Variants in NRG4 observed in about 807,000 individuals in gnomAD.
NRG4 encodes neuregulin 4.
A neutral mutation model predicts 15.0 loss-of-function variants in NRG4; 10 were observed. The observed-to-expected ratio is 0.67, with a 90% confidence interval of 0.41 to 1.13. The LOEUF (loss-of-function observed/expected upper bound fraction) is 1.13, where lower values mean the gene tolerates loss of function less well. Among genes scored for constraint, NRG4 ranks in the 50% most tolerant of loss-of-function variants. The pLI is 0.00. For missense variants in NRG4, 139 were observed against 140.2 expected (o/e 0.99, Z 0.04); for synonymous variants, 41 against 50.1 (o/e 0.82, Z 0.77).
At chr15:75,987,979 G>C (rs1342143891) in intron 3 of NRG4, among the ~76,000 whole-genome samples, 1 of 152,094 alleles carries the variant, frequency 6.6e-6, no homozygotes, top group Non-Finnish European at 1.5e-5. Flanking sequence ...ATACAGACAG[G>C]TGTTCTAATG....
intron 5 of NRG4, among the ~76,000 whole-genome samples, chr15:76,023,183 C>CACACACACACACACACACA (rs67858639): frequency 8.9e-6 from 1 of 112,460 alleles, no homozygotes; most frequent in Non-Finnish European, 2.0e-5. Flanking sequence ...CACACACACA[C>CACACACACACACACACACA]AAGCAAGGAC....
chr15:76,006,400 A>T lies in NRG4; in HGVS notation c.104+2800T>A, dbSNP rs140513697. ...GGTGTGCTCCTAAGATAATTGGAAA[A>T]CAATTATTTTTATAAAATATGATTT... On this transcript the variant is annotated intron_variant, in intron 3 of 5. Transcript: ENST00000394907. Among the ~76,000 whole-genome samples, 1,331 of 152,306 alleles carry T rather than the reference A, an allele frequency of 8.7e-3. 20 individuals carry two copies. Among genetic ancestry groups the T allele is most frequent in the African/African-American group, 0.03 (1,250 of 41,546 alleles).
intron 3 of NRG4, among the ~76,000 whole-genome samples, chr15:75,990,260 T>C (rs2033957970): frequency 6.6e-6 from 1 of 152,156 alleles, no homozygotes. Flanking sequence ...CTTCCTCTTC[T>C]CTGGTAGTGC....
At chr15:75,944,405 A>C (rs1444501999) in intron 5 of NRG4, among the ~76,000 whole-genome samples, 1 of 152,182 alleles carries the variant, frequency 6.6e-6, no homozygotes, top group East Asian at 1.9e-4. Context: ...TTATTGCAGT[A>C]GGGATGGTGT....
chr15:76,030,021 G>A (rs2035431563), intron 5 of NRG4, among the ~76,000 whole-genome samples: 1 of 152,122 alleles, frequency 6.6e-6, no homozygotes, highest in African/African-American at 2.4e-5. Context: ...CACTTTGGGA[G>A]GCCAAGGCGG....
chr15:75,940,235 C>T (rs2030803102), downstream of NRG4: 1 of 151,964 alleles, frequency 6.6e-6, no homozygotes, highest in Non-Finnish European at 1.5e-5. Context: ...AGAACAGTCC[C>T]ATTTACCATA....
At position 76,048,210 on chromosome 15, in the gene NRG4, G is replaced by A. The variant is rs545311892; in HGVS notation, c.-105+3857C>T. ...TTGGAGGCTGGGCACGGTAGCTCAT[G>A]CCTATAATCCCAGCACTTTGGGAGG... On this transcript the variant is annotated intron_variant, in intron 4 of 8. Transcript: ENST00000563910. Among the ~76,000 whole-genome samples, 5 of 149,842 alleles carry A rather than the reference G, an allele frequency of 3.3e-5. No individual in the cohort carries two copies. In the South Asian group the frequency reaches 1.1e-3, roughly 32 times the overall value.
At chr15:76,039,278 C>T (rs60180571) in intron 4 of NRG4, among the ~76,000 whole-genome samples, 2,456 of 152,144 alleles carry the variant, frequency 0.016, 66 homozygotes, top group African/African-American at 0.056. Context: ...AAATAAGGTG[C>T]GAGGCCAATC....
chr15:75,988,409 A>G (rs1240093321), intron 3 of NRG4, among the ~76,000 whole-genome samples: 5 of 151,912 alleles, frequency 3.3e-5, no homozygotes, highest in Non-Finnish European at 7.4e-5. Flanking sequence ...CTGGTCTCGA[A>G]CTCCTGACCT....
intron 3 of NRG4, among the ~76,000 whole-genome samples, chr15:75,993,607 G>A (rs1467426426): frequency 6.6e-6 from 1 of 151,626 alleles, no homozygotes; most frequent in East Asian, 1.9e-4. Flanking sequence ...GCTGAGGCAG[G>A]AGAATCACTG....
At chr15:76,007,891 G>A (rs2034665553) in intron 3 of NRG4, among the ~76,000 whole-genome samples, 1 of 152,030 alleles carries the variant, frequency 6.6e-6, no homozygotes, top group Non-Finnish European at 1.5e-5. Flanking sequence ...ATGACCTTTG[G>A]CATGTCACTT....
Position 76,011,140 on chromosome 15 carries a change from T to C in NRG4, c.10+81A>G, listed in dbSNP as rs1031165325. ...ATGTTGGAAGGGAATAATACAGCCT[T>C]GTGTTAATATACATTTTTGATTGTT... is the stretch of plus-strand genomic sequence containing the variant. On this transcript the variant is annotated intron_variant, in intron 2 of 5. Transcript: ENST00000394907. 6 of 1,126,992 alleles carry C rather than the reference T, an allele frequency of 5.3e-6. No homozygotes were observed. The Admixed American group carries it at 9.0e-5, about 17-fold the overall frequency. 69.8% of individuals were successfully genotyped at this position (1,126,992 alleles called of 1,614,324 possible).
chr15:76,028,595 T>TAA (rs57381862), intron 5 of NRG4, among the ~76,000 whole-genome samples: 5,474 of 141,000 alleles, frequency 0.039, 174 homozygotes, highest in African/African-American at 0.089. Flanking sequence ...TCAAACTGTT[T>TAA]AAAAAAAAAA....
chr15:75,976,980 G>C lies in NRG4; in HGVS notation c.105-15006C>G, dbSNP rs1025321179. 4.6e-5 allele frequency among the ~76,000 whole-genome samples: 7 copies of C among 152,182 alleles called. 1 individual carries two copies. In the East Asian group the frequency reaches 7.7e-4, roughly 17 times the overall value. ...TCCCAGGCAGATAGGAGTTTTATCT[G>C]TAAGTCCCTGACTGGGGCTGCTGCC... On this transcript the variant is annotated intron_variant, in intron 3 of 5. Transcript: ENST00000394907.
At chr15:76,017,374 C>T (rs985323312), upstream of NRG4, among the ~76,000 whole-genome samples, 5 of 151,944 alleles carry the variant, frequency 3.3e-5, no homozygotes, top group Admixed American at 2.0e-4. Context: ...GAATTTGATC[C>T]TATCATTATG....
At chr15:76,013,557 T>C (rs957689771), upstream of NRG4, among the ~76,000 whole-genome samples, 1 of 152,132 alleles carries the variant, frequency 6.6e-6, no homozygotes, top group Non-Finnish European at 1.5e-5. Context: ...CCATGTATTC[T>C]CATTGTTCAA....
At chr15:76,037,911 C>T (rs891528683) in intron 4 of NRG4, among the ~76,000 whole-genome samples, 2 of 152,264 alleles carry the variant, frequency 1.3e-5, no homozygotes, top group South Asian at 4.1e-4. Flanking sequence ...CCAGCTCAGC[C>T]ACAGTCGGAT....
chr15:75,965,186 C>T (rs1359779544), intron 3 of NRG4, among the ~76,000 whole-genome samples: 2 of 152,134 alleles, frequency 1.3e-5, no homozygotes, highest in East Asian at 3.9e-4. Flanking sequence ...GATCGGGCCA[C>T]TGCACTCCAG....
chr15:75,976,929 C>T (rs1384629701), intron 3 of NRG4, among the ~76,000 whole-genome samples: 2 of 152,208 alleles, frequency 1.3e-5, no homozygotes, highest in Non-Finnish European at 2.9e-5. Context: ...GCTGTGCCCA[C>T]AGCTGCCCTT....
Sources: allele counts gnomAD v4.1 joint callset (sites outside exome capture counted in the v4.1 genomes callset), GRCh38; gene constraint gnomAD v4.1.1; transcripts MANE v1.5; gene names NCBI Gene and HGNC (gene_info 2026-07-23, HGNC 2026-07-21).